The following SIPA1L1 variants were observed in gnomAD, a reference collection of about 807,000 sequenced individuals.
The protein encoded by SIPA1L1 is signal-induced proliferation-associated 1-like protein 1.
SIPA1L1 carries 26 observed loss-of-function variants against 162.7 expected under a neutral mutation model. The observed-to-expected ratio is 0.16, with a 90% CI of 0.12 to 0.22. The LOEUF is 0.22. Among genes scored for constraint, SIPA1L1 ranks in the 10% least tolerant of loss-of-function variants. The pLI is 1.00. For missense variants in SIPA1L1, 1,874 were observed against 2,241.0 expected (o/e 0.84, Z 3.31); for synonymous variants, 829 against 837.4 (o/e 0.99, Z 0.17).
intron 2 of SIPA1L1, among the ~76,000 whole-genome samples, chr14:71,484,709 G>A (rs907961635): frequency 6.6e-6 from 1 of 152,208 alleles, no homozygotes; most frequent in African/African-American, 2.4e-5. Context: ...TTACCATACA[G>A]TAGGAATTCA....
intron 2 of SIPA1L1, chr14:71,330,734 C>T: frequency 1.2e-6 from 1 of 851,714 alleles, no homozygotes; most frequent in Non-Finnish European, 2.1e-6. Context: ...ACCGGGTAGT[C>T]ATCATAAGGA....
At position 71,724,734 on chromosome 14, in the gene SIPA1L1, C is replaced by G; in HGVS notation, c.4513C>G (p.Arg1505Gly). 6.2e-7 allele frequency: 1 copy of G among 1,614,118 alleles called. No individual in the cohort carries two copies. Among genetic ancestry groups the G allele is most frequent in the Non-Finnish European group, 8.5e-7 (1 of 1,179,994 alleles). Residue 1505 changes from arginine to glycine, a missense_variant, in exon 19 of 24, where the codon CGG (arginine) becomes GGG (glycine). Physicochemically the swap from Arg to Gly is moderately radical, Grantham distance 125 (BLOSUM62 -2). Around this residue, in one of 5 missense-constraint regions of SIPA1L1, gnomAD observed 936 missense variants for 1,051.9 expected, o/e 0.89. Coordinates refer to ENST00000381232, the MANE Select transcript of SIPA1L1 (RefSeq NM_001386936.1). Reference protein sequence around the residue: ...TRLRASTRDLRASPKPTSKST... With the variant: ...TRLRASTRDLGASPKPTSKST... ...GCTGCGTGCCTCAACCAGAGACCTC[C>G]GGGCATCTCCTAAGCCAACCTCCAA...
intron 2 of SIPA1L1, among the ~76,000 whole-genome samples, chr14:71,487,314 TA>T (rs1595720910): frequency 6.6e-6 from 1 of 152,216 alleles, no homozygotes; most frequent in East Asian, 1.9e-4. Flanking sequence ...GGTCTCTGCC[TA>T]CCGCATCATA....
chr14:71,680,869 G>A (rs1406832891), intron 12 of SIPA1L1, among the ~76,000 whole-genome samples: 1 of 152,130 alleles, frequency 6.6e-6, no homozygotes, highest in Admixed American at 6.5e-5. Flanking sequence ...GGCGTCATGG[G>A]CCAGGGTTGT....
chr14:71,626,705 C>T (rs1375144296), intron 7 of SIPA1L1, among the ~76,000 whole-genome samples: 2 of 152,138 alleles, frequency 1.3e-5, no homozygotes, highest in African/African-American at 4.8e-5. Context: ...TAGTGTGATA[C>T]AAGGAAACTG....
chr14:71,713,011 G>A (rs190293074), intron 17 of SIPA1L1, among the ~76,000 whole-genome samples: 3 of 152,218 alleles, frequency 2.0e-5, no homozygotes, highest in East Asian at 1.9e-4. Context: ...TGCATAGGCC[G>A]TGCCAACATG....
intron 2 of SIPA1L1, among the ~76,000 whole-genome samples, chr14:71,357,783 A>G (rs111590846): frequency 0.035 from 5,330 of 152,240 alleles, 180 homozygotes; most frequent in African/African-American, 0.087. Flanking sequence ...GCTGCAGTGC[A>G]GTGGTGCCAT....
At chr14:71,367,531 A>G (rs1263239201) in intron 2 of SIPA1L1, among the ~76,000 whole-genome samples, 2 of 148,516 alleles carry the variant, frequency 1.3e-5, no homozygotes, top group African/African-American at 5.0e-5. Flanking sequence ...GATGGTCTCG[A>G]TCTCCTGACC....
At chr14:71,361,106 T>G (rs2037771116) in intron 2 of SIPA1L1, among the ~76,000 whole-genome samples, 1 of 152,198 alleles carries the variant, frequency 6.6e-6, no homozygotes, top group African/African-American at 2.4e-5. Flanking sequence ...AGGGATATGA[T>G]AAAGGTTTTT....
chr14:71,368,164 T>C (rs1300696913), intron 2 of SIPA1L1, among the ~76,000 whole-genome samples: 2 of 148,840 alleles, frequency 1.3e-5, no homozygotes, highest in African/African-American at 4.9e-5. Context: ...TTCTTTCTTT[T>C]TTTTTTTTAT....
At chr14:71,687,219 A>G (rs1186564340) in intron 13 of SIPA1L1, among the ~76,000 whole-genome samples, 1 of 152,234 alleles carries the variant, frequency 6.6e-6, no homozygotes, top group African/African-American at 2.4e-5. Flanking sequence ...ATTTATCTCA[A>G]TAAAAGTTTC....
chr14:71,483,035 T>A (rs1459784263), intron 2 of SIPA1L1, among the ~76,000 whole-genome samples: 1 of 152,200 alleles, frequency 6.6e-6, no homozygotes. Flanking sequence ...TATGATCCTT[T>A]ATGATATCCA....
intron 5 of SIPA1L1, among the ~76,000 whole-genome samples, chr14:71,610,944 C>T (rs1490245141): frequency 6.6e-6 from 1 of 152,218 alleles, no homozygotes; most frequent in Non-Finnish European, 1.5e-5. Context: ...TGAGCAATTA[C>T]TCTTAGGCAA....
chr14:71,577,818 A>G (rs1234407614), intron 4 of SIPA1L1, among the ~76,000 whole-genome samples: 1 of 144,528 alleles, frequency 6.9e-6, no homozygotes, highest in Non-Finnish European at 1.5e-5. Flanking sequence ...TCCAGCCCCA[A>G]ACCTCTGAGC....
intron 2 of SIPA1L1, among the ~76,000 whole-genome samples, chr14:71,496,754 C>A (rs1567107201): frequency 6.6e-6 from 1 of 152,134 alleles, no homozygotes; most frequent in Non-Finnish European, 1.5e-5. Context: ...TTTTGGTGCT[C>A]TGTTGTTAGG....
intron 2 of SIPA1L1, among the ~76,000 whole-genome samples, chr14:71,508,817 G>A (rs762704859): frequency 2.6e-5 from 4 of 152,074 alleles, no homozygotes; most frequent in Admixed American, 6.5e-5. Flanking sequence ...ATTTTCATGG[G>A]ATGAGTAGCG....
Position 71,606,170 on chromosome 14 carries a change from T to C in SIPA1L1, c.1499-12587T>C, listed in dbSNP as rs148441150. 3.1e-3 allele frequency among the ~76,000 whole-genome samples: 473 copies of C among 152,136 alleles called. 3 individuals carry two copies. The highest frequency in any genetic ancestry group is 0.011 in the African/African-American group (444 of 41,500). The stretch of plus-strand genomic sequence containing the variant: ...TGCTCCTGGGGGTGGCGGGATTGCT[T>C]TCAGTAGCAGCAGCCACATGCAGAC... On this transcript the variant is annotated intron_variant, in intron 5 of 23. Coordinates refer to ENST00000381232, the MANE Select transcript of SIPA1L1 (RefSeq NM_001386936.1).
intron 2 of SIPA1L1, among the ~76,000 whole-genome samples, chr14:71,468,720 G>A (rs2047220031): frequency 6.6e-6 from 1 of 152,160 alleles, no homozygotes; most frequent in Non-Finnish European, 1.5e-5. Context: ...TTATAGCAAT[G>A]TGTAAGTAAA....
chr14:71,442,883 C>T (rs2045021346), intron 2 of SIPA1L1, among the ~76,000 whole-genome samples: 2 of 152,298 alleles, frequency 1.3e-5, no homozygotes, highest in South Asian at 4.2e-4. Context: ...CTGCAGTGAG[C>T]TATAATTATG....
Sources: gnomAD v4.1 joint callset for allele counts (sites outside exome capture counted in the v4.1 genomes callset) on GRCh38, gnomAD v4.1.1 for gene constraint, gnomAD v4.1.1 regional missense constraint, MANE v1.5 for transcripts, NCBI Gene and HGNC (gene_info 2026-07-23, HGNC 2026-07-21) for gene names.